CREG2: variants seen among roughly 807,000 people sequenced by gnomAD.
The protein encoded by CREG2 is cellular repressor of E1A stimulated genes 2.
In CREG2, 24 loss-of-function variants were observed where a neutral mutation model predicts 26.2. The observed-to-expected ratio is 0.92, with a 90% CI of 0.66 to 1.29. CREG2 has a LOEUF of 1.29. CREG2 is among the 50% of genes most tolerant of loss of function. The pLI, the probability that CREG2 is intolerant of heterozygous loss-of-function variation, is 0.00. For missense variants in CREG2, 366 were observed against 398.6 expected (o/e 0.92, Z 0.70); for synonymous variants, 174 against 169.2 (o/e 1.03, Z -0.22).
chr2:101,354,450 G>A (rs533290910), intron 3 of CREG2, among the ~76,000 whole-genome samples: 65 of 152,140 alleles, frequency 4.3e-4, no homozygotes, highest in African/African-American at 1.5e-3. Flanking sequence ...GCATCCCTGC[G>A]TGCAGGATCT....
intron 2 of CREG2, among the ~76,000 whole-genome samples, chr2:101,378,786 A>T (rs943104507): frequency 6.6e-6 from 1 of 151,980 alleles, no homozygotes; most frequent in Non-Finnish European, 1.5e-5. Context: ...AGGCGGGGGG[A>T]TCACGAGGTC....
chr2:101,369,816 G>T (rs530393458), intron 2 of CREG2, among the ~76,000 whole-genome samples: 1 of 152,326 alleles, frequency 6.6e-6, no homozygotes, highest in East Asian at 1.9e-4. Flanking sequence ...TAGGTGGCCT[G>T]CATGGACCTG....
chr2:101,364,132 T>C (rs1326929908), intron 2 of CREG2, among the ~76,000 whole-genome samples: 1 of 152,170 alleles, frequency 6.6e-6, no homozygotes, highest in Non-Finnish European at 1.5e-5. Flanking sequence ...CACAAGGAAC[T>C]GTCCTACCCC....
chr2:101,357,756 G>C (rs1257556670), intron 2 of CREG2, among the ~76,000 whole-genome samples: 1 of 151,872 alleles, frequency 6.6e-6, no homozygotes, highest in Non-Finnish European at 1.5e-5. Flanking sequence ...GTGAAACTCA[G>C]AGGGGTTAAG....
At chr2:101,361,742 G>T (rs549250554) in intron 2 of CREG2, among the ~76,000 whole-genome samples, 1 of 152,292 alleles carries the variant, frequency 6.6e-6, no homozygotes, top group African/African-American at 2.4e-5. Flanking sequence ...TCTAAAGGAA[G>T]TTGGATGGCA....
At chr2:101,386,472 A>G (rs1684968287) in intron 1 of CREG2, among the ~76,000 whole-genome samples, 1 of 152,260 alleles carries the variant, frequency 6.6e-6, no homozygotes, top group Non-Finnish European at 1.5e-5. Flanking sequence ...AGCTCATTCC[A>G]GCATTTACAC....
intron 2 of CREG2, chr2:101,375,870 C>T: frequency 6.5e-6 from 1 of 154,636 alleles, no homozygotes; most frequent in Non-Finnish European, 1.4e-5. Context: ...TGCGGCTGCA[C>T]CCCTTCCTCT....
At chr2:101,356,472 CAACAT>C (rs1684461795) in intron 2 of CREG2, among the ~76,000 whole-genome samples, 1 of 152,152 alleles carries the variant, frequency 6.6e-6, no homozygotes, top group Non-Finnish European at 1.5e-5. Flanking sequence ...ATCTGCTGTA[CAACAT>C]AAGAGTTCAC....
chr2:101,381,488 G>C (rs557983828), intron 2 of CREG2, among the ~76,000 whole-genome samples: 1 of 152,352 alleles, frequency 6.6e-6, no homozygotes, highest in African/African-American at 2.4e-5. Flanking sequence ...GGAAGTCGTA[G>C]ACCCTAGGGT....
At chr2:101,365,134 G>A (rs751763964) in intron 2 of CREG2, among the ~76,000 whole-genome samples, 22 of 152,230 alleles carry the variant, frequency 1.4e-4, no homozygotes, top group Non-Finnish European at 2.6e-4. Context: ...GATGGCAGCA[G>A]AGAGGAAAAT....
rs963762065 is a variant in CREG2 at position 101,348,352 on chromosome 2, A to G, written c.*2571T>C. ...CTACAAAATCCTTGTTGAGATTTTG[A>G]TAGGAATTGCATTAAACCTAGAGAT... On this transcript the variant is annotated 3_prime_UTR_variant, in exon 4 of 4. Coordinates refer to ENST00000324768, the MANE Select transcript of CREG2 (RefSeq NM_153836.4). 6 of 152,208 alleles carry G rather than the reference A, an allele frequency of 3.9e-5. No individual in the cohort carries two copies. The highest frequency in any genetic ancestry group is 7.2e-5 in the African/African-American group (3 of 41,452). The allele number at this position is 152,208 out of a possible 1,614,324, so 9.4% of individuals were successfully genotyped here.
chr2:101,372,337 T>G (rs140359454), intron 2 of CREG2, among the ~76,000 whole-genome samples: 111 of 152,368 alleles, frequency 7.3e-4, no homozygotes, highest in Admixed American at 1.4e-3. Flanking sequence ...GAAAAAAGTC[T>G]TATTTTCATC....
At chr2:101,369,038 G>A (rs1684663154) in intron 2 of CREG2, among the ~76,000 whole-genome samples, 1 of 152,190 alleles carries the variant, frequency 6.6e-6, no homozygotes, top group Non-Finnish European at 1.5e-5. Context: ...TGCCGGGGTG[G>A]GCCATTTAGG....
chr2:101,365,772 G>A (rs576733854), intron 2 of CREG2, among the ~76,000 whole-genome samples: 8 of 152,124 alleles, frequency 5.3e-5, no homozygotes, highest in African/African-American at 1.9e-4. Context: ...ACTGTATCAA[G>A]CTTCCAGTTG....
chr2:101,383,712 A>G lies in CREG2; in HGVS notation c.442-10T>C. 2 of 1,587,738 alleles carry G rather than the reference A, an allele frequency of 1.3e-6. No homozygotes were observed. Among genetic ancestry groups the G allele is most frequent in the Non-Finnish European group, 1.7e-6 (2 of 1,167,108 alleles). ...ATGGCAGTCCTTGGATCTAACAAACACCAAAAAAGGCTTTTTCAGTGCAGA... is the reference window on the plus strand; with the variant it reads ...ATGGCAGTCCTTGGATCTAACAAACGCCAAAAAAGGCTTTTTCAGTGCAGA... On this transcript the variant is annotated splice_polypyrimidine_tract_variant and intron_variant, in intron 1 of 3. Coordinates refer to ENST00000324768, the MANE Select transcript of CREG2 (RefSeq NM_153836.4).
At chr2:101,365,323 C>G (rs1013449622) in intron 2 of CREG2, among the ~76,000 whole-genome samples, 2 of 152,164 alleles carry the variant, frequency 1.3e-5, no homozygotes, top group East Asian at 1.9e-4. Context: ...TGTCAATGTT[C>G]CTGTTAAATT....
intron 2 of CREG2, chr2:101,382,467 T>C: frequency 1.0e-6 from 1 of 953,874 alleles, no homozygotes; most frequent in Non-Finnish European, 1.2e-6. Flanking sequence ...AAGAAAGGTA[T>C]CCTGGAAATG....
At chr2:101,352,169 A>G (rs905600486) in intron 3 of CREG2, among the ~76,000 whole-genome samples, 2 of 152,132 alleles carry the variant, frequency 1.3e-5, no homozygotes, top group African/African-American at 4.8e-5. Flanking sequence ...GGTGTGTGCT[A>G]CCACACTCAG....
intron 2 of CREG2, among the ~76,000 whole-genome samples, chr2:101,362,508 T>C (rs1217272465): frequency 1.3e-5 from 2 of 152,230 alleles, no homozygotes; most frequent in Non-Finnish European, 2.9e-5. Context: ...TGTTCTTAGA[T>C]GTGGTGGAGG....
Sources: allele counts gnomAD v4.1 joint callset (sites outside exome capture counted in the v4.1 genomes callset), GRCh38; gene constraint gnomAD v4.1.1; transcripts MANE v1.5; gene names NCBI Gene and HGNC (gene_info 2026-07-23, HGNC 2026-07-21).